GPD2: variants seen among roughly 807,000 people sequenced by gnomAD.
GPD2 encodes the protein glycerol-3-phosphate dehydrogenase 2.
Under a neutral mutation model 82.4 loss-of-function variants are expected in GPD2, and 54 were observed. The ratio of observed to expected loss-of-function variants is 0.66; its 90% CI spans 0.53 to 0.82. The LOEUF (loss-of-function observed/expected upper bound fraction) is 0.82, where lower values mean the gene tolerates loss of function less well. GPD2 is among the 40% of genes least tolerant of loss of function. The probability of loss-of-function intolerance (pLI) is 0.00; values close to 1 mark genes in which losing one functional copy is unlikely to be tolerated. For missense variants in GPD2, 748 were observed against 896.2 expected, an observed-to-expected ratio of 0.83 and a Z score of 2.11; for synonymous variants, 288 against 306.1, an observed-to-expected ratio of 0.94 and a Z score of 0.62.
At chr2:156,534,287 T>G (rs1225623927) in intron 6 of GPD2, among the ~76,000 whole-genome samples, 2 of 152,228 alleles carry the variant, frequency 1.3e-5, no homozygotes, top group Non-Finnish European at 2.9e-5. Context: ...TTTGCTCTTC[T>G]GCTTATCTGT....
intron 2 of GPD2, among the ~76,000 whole-genome samples, chr2:156,484,697 G>A (rs1352085623): frequency 2.6e-5 from 4 of 151,892 alleles, no homozygotes; most frequent in African/African-American, 9.7e-5. Context: ...AAAATTAGCC[G>A]GGCATGGTGG....
At position 156,510,816 on chromosome 2, in the gene GPD2, GA is replaced by G; in HGVS notation, c.298del (p.Arg100GlufsTer15). 1.9e-6 allele frequency: 3 copies of G among 1,613,382 alleles called. No individual in the cohort carries two copies. Among genetic ancestry groups the G allele is most frequent in the Non-Finnish European group, 2.5e-6 (3 of 1,179,342 alleles). On this transcript the variant is annotated frameshift_variant, in exon 4 of 17. Coordinates refer to ENST00000438166, the MANE Select transcript of GPD2 (RefSeq NM_000408.5). LOFTEE classifies it high-confidence loss of function. Reference sequence around the variant, plus strand: ...CACAGGACTAAAAACAGCCCTTGTAGAAAGAGATGATTTCTCATCAGGGACC... The same window carrying G: ...CACAGGACTAAAAACAGCCCTTGTAGAAGAGATGATTTCTCATCAGGGACC... ...VTRGLKTALV[E>X]RDDFSSGTSS...
chr2:156,568,743 A>G, intron 9 of GPD2, 82 bp from the exon 10 acceptor site: 1 of 1,253,714 alleles, frequency 8.0e-7, no homozygotes, highest in Non-Finnish European at 1.2e-6. Context: ...CCTGTCACCG[A>G]ACTCTTTTTA....
the GPD2 span, among the ~76,000 whole-genome samples, chr2:156,422,856 A>G: frequency 6.6e-6 from 1 of 152,204 alleles, no homozygotes; most frequent in African/African-American, 2.4e-5. Context: ...ACAGGACATT[A>G]TATTGATAAT....
rs191940066 is a variant in GPD2 at position 156,523,561 on chromosome 2, C to G, written c.661+10065C>G. On this transcript the variant is annotated intron_variant, in intron 6 of 16. Coordinates refer to ENST00000438166, the MANE Select transcript of GPD2 (RefSeq NM_000408.5). Reference sequence around the variant, plus strand: ...ACTCTCATTTCCCCTTTCCCCCACTCCCCACTATAACAAATGTTTTATCCA... The same window carrying G: ...ACTCTCATTTCCCCTTTCCCCCACTGCCCACTATAACAAATGTTTTATCCA... Among the ~76,000 whole-genome samples, 30 of 152,276 alleles carry G rather than the reference C, an allele frequency of 2.0e-4. No homozygotes were observed. The East Asian group carries it at 5.4e-3, about 27-fold the overall frequency.
rs760349664 is a variant in GPD2, at chr2:156,507,169, G to A, written c.275-3627G>A. Among the ~76,000 whole-genome samples the A allele has an allele frequency of 1.6e-4, 24 of 151,840 alleles. 1 individual carries two copies. The highest frequency in any genetic ancestry group is 9.7e-4 in the East Asian group (5 of 5,140). On this transcript the variant is annotated intron_variant, in intron 3 of 16. Coordinates refer to ENST00000438166, the MANE Select transcript of GPD2 (RefSeq NM_000408.5). Reference sequence around the variant, plus strand: ...GCTGGGATTACAGGCATGCACCACCGTGCCTGACAAATTTTTTTTTTAAGT... The same window carrying A: ...GCTGGGATTACAGGCATGCACCACCATGCCTGACAAATTTTTTTTTTAAGT...
At chr2:156,442,468 A>G (rs1320606800) in intron 1 of GPD2, among the ~76,000 whole-genome samples, 4 of 152,234 alleles carry the variant, frequency 2.6e-5, no homozygotes, top group Non-Finnish European at 5.9e-5. Context: ...AATGCAGTTC[A>G]GAGTACTAGG....
At chr2:156,513,587 C>A in intron 6 of GPD2, 91 bp downstream of exon 6, 1 of 965,056 alleles carries the variant, frequency 1.0e-6, no homozygotes, top group Non-Finnish European at 1.6e-6. Context: ...AGTTTTGCAT[C>A]TTTAAATACT....
chr2:156,555,838 A>T (rs1001758534), intron 8 of GPD2, among the ~76,000 whole-genome samples: 1 of 152,162 alleles, frequency 6.6e-6, no homozygotes. Flanking sequence ...GGTTTAAATG[A>T]TTGCAGACTT....
At chr2:156,405,010 AAGGAATATTC>A in the GPD2 span, among the ~76,000 whole-genome samples, 1 of 152,220 alleles carries the variant, frequency 6.6e-6, no homozygotes, top group Non-Finnish European at 1.5e-5. Flanking sequence ...GGAGCATTTG[AAGGAATATTC>A]AGGCAACAGT....
At chr2:156,488,703 T>C (rs952821393) in intron 2 of GPD2, among the ~76,000 whole-genome samples, 1 of 152,162 alleles carries the variant, frequency 6.6e-6, no homozygotes, top group African/African-American at 2.4e-5. Flanking sequence ...GTGAACGTTC[T>C]CTGGGATGTA....
the GPD2 span, among the ~76,000 whole-genome samples, chr2:156,426,612 T>C: frequency 4.3e-4 from 66 of 152,130 alleles, 2 homozygotes; most frequent in Non-Finnish European, 2.5e-4. Flanking sequence ...CAAATACCCA[T>C]TGAAAGACTG....
rs369911090 is a variant in GPD2 at position 156,454,679 on chromosome 2, AC to A, written c.-9+18168del. 5.5e-4 allele frequency among the ~76,000 whole-genome samples: 84 copies of A among 152,248 alleles called. 3 individuals carry two copies. In the South Asian group the frequency reaches 0.017, roughly 31 times the overall value. On this transcript the variant is annotated intron_variant, in intron 1 of 16. Coordinates refer to ENST00000438166, the MANE Select transcript of GPD2 (RefSeq NM_000408.5). ...AATTTGCTGGGGATAGAGTTTAAGTACCAGAGGGCAGAGTGGGAGGGAGGGA... is the reference window on the plus strand; with the variant it reads ...AATTTGCTGGGGATAGAGTTTAAGTACAGAGGGCAGAGTGGGAGGGAGGGA...
chr2:156,445,891 A>G (rs1396081098), intron 1 of GPD2, among the ~76,000 whole-genome samples: 1 of 152,186 alleles, frequency 6.6e-6, no homozygotes, highest in African/African-American at 2.4e-5. Flanking sequence ...CATAACTGAA[A>G]GGCCTGAAAA....
intron 1 of GPD2, among the ~76,000 whole-genome samples, chr2:156,474,783 A>T (rs2105199226): frequency 6.6e-6 from 1 of 152,292 alleles, no homozygotes; most frequent in South Asian, 2.1e-4. Context: ...AGTGAGAGGA[A>T]AGAAAGTTAA....
chr2:156,476,123 A>G lies in GPD2; in HGVS notation c.18A>G (p.Ala6=), dbSNP rs777350997. Residue 6 remains alanine, a synonymous_variant, in exon 2 of 17, where the codon GCA becomes GCG. Coordinates refer to ENST00000438166, the MANE Select transcript of GPD2 (RefSeq NM_000408.5). The stretch of plus-strand genomic sequence containing the variant: ...GCTAAGAAATGGCATTTCAAAAGGC[A>G]GTGAAAGGGACGATTCTTGTTGGAG... MAFQK[A]VKGTILVGGG... 3 of 1,602,704 alleles carry G rather than the reference A, an allele frequency of 1.9e-6. No homozygotes were observed. The highest frequency in any genetic ancestry group is 1.1e-5 in the South Asian group (1 of 90,806).
chr2:156,425,097 T>TTG, the GPD2 span, among the ~76,000 whole-genome samples: 15 of 149,564 alleles, frequency 1.0e-4, no homozygotes, highest in Admixed American at 2.7e-4. Flanking sequence ...TTATTTTTTT[T>TTG]TTTGTTTTTG....
intron 3 of GPD2, among the ~76,000 whole-genome samples, chr2:156,509,765 C>CTTTTTTTTTTTTTTTTTTTTTTTTTTTT (rs60361072): frequency 1.7e-5 from 2 of 117,382 alleles, no homozygotes. Flanking sequence ...ATATGTTCTT[C>CTTTTTTTTTTTTTTTTTTTTTTTTTTTT]TTTTTTTTTT....
the GPD2 span, among the ~76,000 whole-genome samples, chr2:156,427,961 G>A: frequency 9.9e-5 from 15 of 152,152 alleles, no homozygotes; most frequent in African/African-American, 3.1e-4. Context: ...ATTCTGCTGT[G>A]TGCATACAAT....
Sources: gnomAD v4.1 joint callset for allele counts (sites outside exome capture counted in the v4.1 genomes callset) on GRCh38, gnomAD v4.1.1 for gene constraint, MANE v1.5 for transcripts, NCBI Gene and HGNC (gene_info 2026-07-23, HGNC 2026-07-21) for gene names.